The following FRMD5 variants were observed in gnomAD, a reference collection of about 807,000 sequenced individuals.
FRMD5 encodes the protein FERM domain-containing protein 5.
In FRMD5, 20 loss-of-function variants were observed where a neutral mutation model predicts 69.0. The ratio of observed to expected loss-of-function variants is 0.29; its 90% confidence interval spans 0.20 to 0.42. The LOEUF is 0.42. FRMD5 is among the 10% of genes least tolerant of loss of function. The pLI, the probability that FRMD5 is intolerant of heterozygous loss-of-function variation, is 1.00. For synonymous variants in FRMD5, 271 were observed against 260.1 expected, an observed-to-expected ratio of 1.04 and a Z score of -0.40; for missense variants, 595 against 708.6, an observed-to-expected ratio of 0.84 and a Z score of 1.82.
chr15:44,026,452 T>C (rs1191429064), intron 1 of FRMD5, among the ~76,000 whole-genome samples: 3 of 152,242 alleles, frequency 2.0e-5, no homozygotes, highest in African/African-American at 7.2e-5. Flanking sequence ...ATCTAGTTTT[T>C]TTCCCTTTCC....
At chr15:44,026,647 C>T (rs1891441668) in intron 1 of FRMD5, among the ~76,000 whole-genome samples, 2 of 152,070 alleles carry the variant, frequency 1.3e-5, no homozygotes, top group South Asian at 4.1e-4. Context: ...TCTTAGCAAA[C>T]CCAAGGTTTG....
intron 1 of FRMD5, among the ~76,000 whole-genome samples, chr15:44,035,836 C>G (rs1413561187): frequency 1.3e-5 from 2 of 152,144 alleles, no homozygotes; most frequent in Admixed American, 6.6e-5. Flanking sequence ...CCCCATGCTA[C>G]TTTGAGGCAT....
chr15:44,142,369 T>C (rs1297046531), intron 1 of FRMD5, among the ~76,000 whole-genome samples: 1 of 152,342 alleles, frequency 6.6e-6, no homozygotes, highest in Middle Eastern at 3.4e-3. Context: ...TGAGATAGTC[T>C]GACATCACTT....
At chr15:44,105,262 A>C (rs2076700511) in intron 1 of FRMD5, among the ~76,000 whole-genome samples, 1 of 151,976 alleles carries the variant, frequency 6.6e-6, no homozygotes, top group Non-Finnish European at 1.5e-5. Flanking sequence ...TTTTTTGTAG[A>C]AACAGGGTTT....
intron 6 of FRMD5, among the ~76,000 whole-genome samples, chr15:43,903,746 CT>C (rs1474224711): frequency 6.6e-6 from 1 of 152,212 alleles, no homozygotes; most frequent in Non-Finnish European, 1.5e-5. Context: ...TCCATTTACC[CT>C]TGGAGTTGGC....
chr15:44,114,936 G>C (rs1482282968), intron 1 of FRMD5, among the ~76,000 whole-genome samples: 1 of 152,124 alleles, frequency 6.6e-6, no homozygotes, highest in Admixed American at 6.5e-5. Flanking sequence ...TGCCACAGAG[G>C]AATGTGGACC....
intron 1 of FRMD5, among the ~76,000 whole-genome samples, chr15:43,975,330 A>G (rs955390498): frequency 6.6e-6 from 1 of 152,250 alleles, no homozygotes. Context: ...AAGAGCCAAA[A>G]AAGAGAAACA....
chr15:43,933,674 C>T (rs1595533092), intron 1 of FRMD5, among the ~76,000 whole-genome samples: 1 of 152,342 alleles, frequency 6.6e-6, no homozygotes, highest in Non-Finnish European at 1.5e-5. Context: ...AACTTCAGAG[C>T]ATTAGACTGT....
rs749952392 is a variant in FRMD5, at chr15:44,148,002, ATCAATTTAGTGT to A, written c.102+46939_102+46950del. ...TGACCACAATATCTGTTATGACATT[ATCAATTTAGTGT>A]TCCCATTAACACCTAACCACTTAAA... On this transcript the variant is annotated intron_variant, in intron 1 of 13. Transcript: ENST00000417257. Among the ~76,000 whole-genome samples the A allele has an allele frequency of 1.6e-3, 236 of 152,254 alleles. 1 individual carries two copies. Among genetic ancestry groups the A allele is most frequent in the Non-Finnish European group, 2.6e-3 (174 of 68,024 alleles).
chr15:44,092,599 A>T (rs899960835), intron 1 of FRMD5, among the ~76,000 whole-genome samples: 1 of 152,310 alleles, frequency 6.6e-6, no homozygotes, highest in East Asian at 1.9e-4. Context: ...CACTGTGTTC[A>T]TCATAGGATA....
chr15:43,916,861 C>G (rs2089398398), intron 4 of FRMD5, among the ~76,000 whole-genome samples: 1 of 151,772 alleles, frequency 6.6e-6, no homozygotes, highest in South Asian at 2.1e-4. Flanking sequence ...TCACTGCAAC[C>G]TCTGCCTCCT....
At chr15:43,945,670 G>A (rs1482612878) in intron 1 of FRMD5, among the ~76,000 whole-genome samples, 2 of 152,156 alleles carry the variant, frequency 1.3e-5, no homozygotes, top group Non-Finnish European at 2.9e-5. Flanking sequence ...ATGTACTGAA[G>A]TGTAATATAA....
At chr15:44,124,933 G>T (rs1258859807) in intron 1 of FRMD5, among the ~76,000 whole-genome samples, 5 of 152,060 alleles carry the variant, frequency 3.3e-5, no homozygotes, top group Non-Finnish European at 7.4e-5. Context: ...AGACCAGCCT[G>T]GGCAATATAG....
At chr15:44,132,438 A>G (rs1048261910) in intron 1 of FRMD5, among the ~76,000 whole-genome samples, 3 of 152,062 alleles carry the variant, frequency 2.0e-5, no homozygotes, top group Non-Finnish European at 4.4e-5. Flanking sequence ...GTGTGTGTGT[A>G]TTTATTTAGA....
intron 1 of FRMD5, among the ~76,000 whole-genome samples, chr15:43,966,770 G>A (rs969853670): frequency 7.9e-5 from 12 of 152,232 alleles, no homozygotes; most frequent in African/African-American, 2.9e-4. Context: ...AAGCACTGGA[G>A]ACTTTGAAGG....
intron 4 of FRMD5, 21 bp downstream of exon 4, chr15:43,919,438 C>T (rs141423233): frequency 6.8e-6 from 11 of 1,607,274 alleles, no homozygotes; most frequent in East Asian, 4.5e-5. Flanking sequence ...CTAATGGCTG[C>T]GGGAAGCATG....
At chr15:44,093,133 T>C (rs1161511071) in intron 1 of FRMD5, among the ~76,000 whole-genome samples, 1 of 152,064 alleles carries the variant, frequency 6.6e-6, no homozygotes, top group African/African-American at 2.4e-5. Context: ...GGTTTCACCA[T>C]GTTGGTCAGG....
intron 1 of FRMD5, among the ~76,000 whole-genome samples, chr15:44,139,298 T>TACACACACACACACACACAC (rs140679752): frequency 1.4e-5 from 2 of 143,760 alleles, no homozygotes; most frequent in African/African-American, 5.1e-5. Flanking sequence ...CCCCTCTCTC[T>TACACACACACACACACACAC]ACACACACAC....
chr15:43,938,926 A>C (rs2089811647), intron 1 of FRMD5, among the ~76,000 whole-genome samples: 1 of 152,100 alleles, frequency 6.6e-6, no homozygotes, highest in Non-Finnish European at 1.5e-5. Context: ...CAGTGGCACG[A>C]TCTTGACTCA....
Sources: allele counts gnomAD v4.1 joint callset (sites outside exome capture counted in the v4.1 genomes callset), GRCh38; gene constraint gnomAD v4.1.1; transcripts MANE v1.5; gene names NCBI Gene and HGNC (gene_info 2026-07-23, HGNC 2026-07-21).